The following GRID2 variants were observed in gnomAD, a reference collection of about 807,000 sequenced individuals.
The protein encoded by GRID2 is glutamate receptor ionotropic, delta-2.
Under a neutral mutation model 114.8 loss-of-function variants are expected in GRID2, and 33 were observed. The ratio of observed to expected loss-of-function variants is 0.29; its 90% CI spans 0.22 to 0.38. The LOEUF is 0.38. Among genes scored for constraint, GRID2 ranks in the 10% least tolerant of loss-of-function variants. The probability of loss-of-function intolerance (pLI) is 1.00; values close to 1 mark genes in which losing one functional copy is unlikely to be tolerated. For synonymous variants in GRID2, 505 were observed against 449.9 expected (o/e 1.12, Z -1.55); for missense variants, 1,184 against 1,257.7 (o/e 0.94, Z 0.89).
At chr4:93,336,946 T>C (rs1031675478) in intron 8 of GRID2, among the ~76,000 whole-genome samples, 3 of 143,146 alleles carry the variant, frequency 2.1e-5, no homozygotes, top group Non-Finnish European at 4.4e-5. Flanking sequence ...GTAAATATTT[T>C]GTAAAAGATG....
chr4:93,385,571 G>T (rs1051573202), intron 8 of GRID2, among the ~76,000 whole-genome samples: 17 of 152,060 alleles, frequency 1.1e-4, no homozygotes, highest in African/African-American at 4.1e-4. Flanking sequence ...GAATAGAAGA[G>T]GCAAAGATCT....
intron 2 of GRID2, among the ~76,000 whole-genome samples, chr4:92,914,109 T>C (rs993252222): frequency 4.6e-4 from 70 of 152,132 alleles, no homozygotes; most frequent in African/African-American, 1.6e-3. Flanking sequence ...ATCTTTGGTT[T>C]ATTTTAGCAT....
chr4:93,229,344 G>A (rs1189807115), intron 7 of GRID2, among the ~76,000 whole-genome samples: 1 of 152,142 alleles, frequency 6.6e-6, no homozygotes, highest in Non-Finnish European at 1.5e-5. Flanking sequence ...CAGAGGGAGT[G>A]GCCTGGGCCT....
At chr4:92,466,881 A>G (rs1721779508) in intron 1 of GRID2, among the ~76,000 whole-genome samples, 1 of 151,730 alleles carries the variant, frequency 6.6e-6, no homozygotes, top group Admixed American at 6.6e-5. Flanking sequence ...AATGGGATGC[A>G]TACAGGGCTA....
Position 92,999,168 on chromosome 4 carries a change from A to C in GRID2, c.245-85827A>C, listed in dbSNP as rs1269897350. On this transcript the variant is annotated intron_variant, in intron 2 of 15. Coordinates refer to ENST00000282020, the MANE Select transcript of GRID2 (RefSeq NM_001510.4). ...GGTAGGAAAATAGAAAATCATCCTT[A>C]ATTCTTAGCCTAGCCACTGTCAAAA... is the stretch of plus-strand genomic sequence containing the variant. 2.6e-5 allele frequency among the ~76,000 whole-genome samples: 4 copies of C among 151,990 alleles called. No homozygotes were observed. The East Asian group carries it at 7.7e-4, about 29-fold the overall frequency.
At chr4:93,211,339 T>G (rs538443676) in intron 5 of GRID2, among the ~76,000 whole-genome samples, 10 of 152,216 alleles carry the variant, frequency 6.6e-5, no homozygotes, top group African/African-American at 2.2e-4. Flanking sequence ...TAATAAAAAT[T>G]TATGTTTTAT....
At chr4:92,346,579 C>T (rs1513468) in intron 1 of GRID2, among the ~76,000 whole-genome samples, 36,480 of 151,972 alleles carry the variant, frequency 0.24, 5,556 homozygotes, top group East Asian at 0.62. Context: ...GTTGCCCAGG[C>T]TGGTCTGGTA....
intron 2 of GRID2, among the ~76,000 whole-genome samples, chr4:92,988,622 TTTTAACTGGATTACCCAATTTA>T (rs1245934346): frequency 6.6e-6 from 1 of 152,110 alleles, no homozygotes; most frequent in Non-Finnish European, 1.5e-5. Context: ...ATTTATTACA[TTTTAACTGGATTACCCAATTTA>T]TAGACACGAA....
intron 1 of GRID2, among the ~76,000 whole-genome samples, chr4:92,478,953 C>A (rs1722449402): frequency 6.6e-6 from 1 of 152,074 alleles, no homozygotes. Context: ...CCAATGATTT[C>A]TCAGGATTTA....
intron 1 of GRID2, among the ~76,000 whole-genome samples, chr4:93,786,110 G>A (rs1006057153): frequency 6.6e-6 from 1 of 152,200 alleles, no homozygotes; most frequent in Non-Finnish European, 1.5e-5. Flanking sequence ...GAAGAGAAGA[G>A]AGTATTTCAA....
chr4:92,460,032 CTATA>C lies in GRID2; in HGVS notation c.89-130080_89-130077del, dbSNP rs373743453. Among the ~76,000 whole-genome samples the C allele has an allele frequency of 1.4e-3, 70 of 48,414 alleles. 5 individuals are homozygous for C. The highest frequency in any genetic ancestry group is 5.6e-3 in the East Asian group (3 of 532). 31.8% of individuals were successfully genotyped at this position (48,414 alleles called of 152,430 possible). A position where few individuals can be genotyped will look rare whatever the true frequency, so the allele number is the denominator to read the frequency against. On this transcript the variant is annotated intron_variant, in intron 1 of 15. Coordinates refer to ENST00000282020, the MANE Select transcript of GRID2 (RefSeq NM_001510.4). The stretch of plus-strand genomic sequence containing the variant: ...AGCCCATTCCTTAAAATAAATCTCA[CTATA>C]TATATATATATATATATACACACAC...
intron 1 of GRID2, among the ~76,000 whole-genome samples, chr4:92,462,072 T>C (rs7658053): frequency 0.4 from 61,020 of 151,896 alleles, 13,539 homozygotes; most frequent in African/African-American, 0.6. Context: ...TGTTTTGAAA[T>C]GTACTTCTTT....
intron 2 of GRID2, among the ~76,000 whole-genome samples, chr4:93,045,294 T>C (rs1361443453): frequency 6.6e-6 from 1 of 152,152 alleles, no homozygotes; most frequent in Non-Finnish European, 1.5e-5. Flanking sequence ...TCTTCATCTC[T>C]CTTTTTGCTC....
chr4:92,570,650 T>C (rs1230829947), intron 1 of GRID2, among the ~76,000 whole-genome samples: 4 of 152,028 alleles, frequency 2.6e-5, no homozygotes, highest in African/African-American at 9.7e-5. Context: ...TTTATAGTTT[T>C]TCTTGAAGAG....
Position 92,935,551 on chromosome 4 carries a change from C to T in GRID2, c.245-149444C>T, listed in dbSNP as rs190673573. On this transcript the variant is annotated intron_variant, in intron 2 of 15. Transcript: ENST00000282020. Reference sequence around the variant, plus strand: ...CATTACTGGGTATATACCCAAAGGACTATAAATCATGCTGCTATAAAAACA... The same window carrying T: ...CATTACTGGGTATATACCCAAAGGATTATAAATCATGCTGCTATAAAAACA... 1.3e-3 allele frequency among the ~76,000 whole-genome samples: 189 copies of T among 146,334 alleles called. 21 individuals carry two copies. The highest frequency in any genetic ancestry group is 5.8e-3 in the Admixed American group (78 of 13,456).
At chr4:93,021,994 T>G (rs1723410535) in intron 2 of GRID2, among the ~76,000 whole-genome samples, 1 of 151,366 alleles carries the variant, frequency 6.6e-6, no homozygotes, top group African/African-American at 2.4e-5. Context: ...TGCCATTACT[T>G]TCATTGGCAA....
At chr4:93,282,076 T>C (rs1752706974) in intron 8 of GRID2, among the ~76,000 whole-genome samples, 1 of 152,080 alleles carries the variant, frequency 6.6e-6, no homozygotes, top group South Asian at 2.1e-4. Flanking sequence ...TGTATTTATT[T>C]CTTTCCTTTT....
At chr4:93,723,432 A>T (rs1382053992) in intron 14 of GRID2, among the ~76,000 whole-genome samples, 1 of 152,258 alleles carries the variant, frequency 6.6e-6, no homozygotes, top group African/African-American at 2.4e-5. Flanking sequence ...ATCAATAAAA[A>T]TGGGCCCAGA....
At chr4:93,033,449 A>C (rs1204936036) in intron 2 of GRID2, among the ~76,000 whole-genome samples, 4 of 152,186 alleles carry the variant, frequency 2.6e-5, no homozygotes, top group Non-Finnish European at 5.9e-5. Context: ...CATCAGTGTG[A>C]GACTGTACAC....
Sources: gnomAD v4.1 joint callset for allele counts (sites outside exome capture counted in the v4.1 genomes callset) on GRCh38, gnomAD v4.1.1 for gene constraint, MANE v1.5 for transcripts, NCBI Gene and HGNC (gene_info 2026-07-23, HGNC 2026-07-21) for gene names.